The following PCDH9 variants were observed in gnomAD, a reference collection of about 807,000 sequenced individuals.
PCDH9 encodes protocadherin 9.
Under a neutral mutation model 70.6 loss-of-function variants are expected in PCDH9, and 24 were observed. The observed-to-expected ratio is 0.34, with a 90% CI of 0.25 to 0.48. The LOEUF (loss-of-function observed/expected upper bound fraction) is 0.48, where lower values mean the gene tolerates loss of function less well. PCDH9 is among the 20% of genes least tolerant of loss of function. The pLI, the probability that PCDH9 is intolerant of heterozygous loss-of-function variation, is 0.99. For missense variants in PCDH9, 1,281 were observed against 1,503.6 expected, an observed-to-expected ratio of 0.85 and a Z score of 2.45; for synonymous variants, 562 against 558.5, an observed-to-expected ratio of 1.01 and a Z score of -0.09.
intron 4 of PCDH9, among the ~76,000 whole-genome samples, chr13:66,386,603 G>T (rs909656829): frequency 6.6e-6 from 1 of 152,020 alleles, no homozygotes; most frequent in Non-Finnish European, 1.5e-5. Flanking sequence ...CTGTTATAGA[G>T]TATTTATACT....
chr13:67,213,223 A>AG (rs2089510627), intron 2 of PCDH9: 1 of 110,944 alleles, frequency 9.0e-6, no homozygotes, highest in African/African-American at 3.0e-5. Context: ...AAAAAAAAAA[A>AG]AAAAAAAAAA....
chr13:66,958,495 C>G (rs2083296566), intron 2 of PCDH9, among the ~76,000 whole-genome samples: 1 of 152,024 alleles, frequency 6.6e-6, no homozygotes, highest in South Asian at 2.1e-4. Flanking sequence ...GAATCAGTAA[C>G]ATGGATTTAA....
At chr13:66,875,263 C>T (rs2081783621) in intron 3 of PCDH9, among the ~76,000 whole-genome samples, 1 of 152,088 alleles carries the variant, frequency 6.6e-6, no homozygotes, top group African/African-American at 2.4e-5. Context: ...ATTACAATAC[C>T]ACAACCCACT....
intron 2 of PCDH9, among the ~76,000 whole-genome samples, chr13:67,034,640 G>A (rs921706772): frequency 6.7e-6 from 1 of 149,038 alleles, no homozygotes. Flanking sequence ...TTTGGTCTAT[G>A]CTTTTATGCT....
intron 2 of PCDH9, among the ~76,000 whole-genome samples, chr13:67,099,321 C>T (rs991077036): frequency 6.6e-6 from 1 of 152,152 alleles, no homozygotes; most frequent in African/African-American, 2.4e-5. Context: ...AAATAATTAA[C>T]GTGGCTTGCA....
intron 4 of PCDH9, among the ~76,000 whole-genome samples, chr13:66,423,144 T>C (rs1168911439): frequency 6.6e-6 from 1 of 151,926 alleles, no homozygotes; most frequent in Non-Finnish European, 1.5e-5. Context: ...AATAACAAGT[T>C]CTGAAATTGA....
At chr13:67,174,867 A>T (rs1403877440) in intron 2 of PCDH9, among the ~76,000 whole-genome samples, 1 of 151,528 alleles carries the variant, frequency 6.6e-6, no homozygotes, top group African/African-American at 2.4e-5. Flanking sequence ...TAAATTCAAT[A>T]GGTCTTTAAA....
intron 4 of PCDH9, among the ~76,000 whole-genome samples, chr13:66,321,033 T>C (rs1372645784): frequency 3.3e-5 from 5 of 152,030 alleles, no homozygotes; most frequent in African/African-American, 4.8e-5. Flanking sequence ...CTCCTTTCAA[T>C]TGGATATGCT....
chr13:66,708,766 G>A (rs2078751920), intron 3 of PCDH9, among the ~76,000 whole-genome samples: 1 of 152,172 alleles, frequency 6.6e-6, no homozygotes, highest in South Asian at 2.1e-4. Context: ...CACTGCCCCT[G>A]TAGCTCAAAA....
chr13:66,877,294 G>A (rs2081831261), intron 3 of PCDH9, among the ~76,000 whole-genome samples: 2 of 150,850 alleles, frequency 1.3e-5, no homozygotes, highest in South Asian at 4.2e-4. Flanking sequence ...GAAATTATTG[G>A]AAATAGTATT....
At chr13:66,782,636 T>C (rs2080018267) in intron 3 of PCDH9, 1 of 152,178 alleles carries the variant, frequency 6.6e-6, no homozygotes, top group Non-Finnish European at 1.5e-5. Flanking sequence ...AATCAATTAA[T>C]TACAATTTAT....
At chr13:67,155,221 G>A (rs2087780357) in intron 2 of PCDH9, among the ~76,000 whole-genome samples, 1 of 152,156 alleles carries the variant, frequency 6.6e-6, no homozygotes, top group South Asian at 2.1e-4. Context: ...CGGCCAGCAG[G>A]CTCAAGTTAT....
At chr13:66,734,520 G>A (rs965413485) in intron 3 of PCDH9, among the ~76,000 whole-genome samples, 14 of 152,218 alleles carry the variant, frequency 9.2e-5, no homozygotes, top group African/African-American at 3.4e-4. Context: ...AGAAATGAAG[G>A]CTTTCTTAAC....
chr13:66,484,060 T>A (rs1377836936), intron 4 of PCDH9, among the ~76,000 whole-genome samples: 1 of 152,004 alleles, frequency 6.6e-6, no homozygotes, highest in Admixed American at 6.5e-5. Context: ...GGGAAAACCA[T>A]CTCCCTTCTG....
At chr13:66,553,069 C>T (rs1022943084) in intron 4 of PCDH9, among the ~76,000 whole-genome samples, 3 of 152,144 alleles carry the variant, frequency 2.0e-5, no homozygotes, top group Non-Finnish European at 2.9e-5. Flanking sequence ...TCTCACCTGG[C>T]CCCTCCTACA....
At chr13:66,654,349 T>A (rs1364592139) in intron 3 of PCDH9, among the ~76,000 whole-genome samples, 1 of 152,024 alleles carries the variant, frequency 6.6e-6, no homozygotes, top group Non-Finnish European at 1.5e-5. Flanking sequence ...GACATGGGGA[T>A]GGTTAATGGG....
At chr13:66,692,400 C>T (rs992674847) in intron 3 of PCDH9, among the ~76,000 whole-genome samples, 9 of 152,072 alleles carry the variant, frequency 5.9e-5, no homozygotes, top group Middle Eastern at 3.4e-3. Flanking sequence ...ATAAGACACT[C>T]GAAAGGAAGT....
At chr13:66,903,051 A>G (rs2082302971) in intron 3 of PCDH9, among the ~76,000 whole-genome samples, 1 of 151,924 alleles carries the variant, frequency 6.6e-6, no homozygotes, top group South Asian at 2.1e-4. Context: ...GGAAAACTTC[A>G]TTAAAATTCA....
intron 4 of PCDH9, among the ~76,000 whole-genome samples, chr13:66,476,068 T>C (rs1958721913): frequency 6.6e-6 from 1 of 152,244 alleles, no homozygotes; most frequent in Admixed American, 6.5e-5. Flanking sequence ...TGGTGAGAAC[T>C]GGGTACTCTC....
Sources: gnomAD v4.1 joint callset for allele counts (sites outside exome capture counted in the v4.1 genomes callset) on GRCh38, gnomAD v4.1.1 for gene constraint, MANE v1.5 for transcripts, NCBI Gene and HGNC (gene_info 2026-07-23, HGNC 2026-07-21) for gene names.